Variants in DNAH7 observed in about 807,000 individuals in gnomAD.
DNAH7 encodes the protein dynein axonemal heavy chain 7.
In DNAH7, 397 loss-of-function variants were observed where a neutral mutation model predicts 444.6. The ratio of observed to expected loss-of-function variants is 0.89; its 90% CI spans 0.82 to 0.97. The LOEUF (loss-of-function observed/expected upper bound fraction) is 0.97, where lower values mean the gene tolerates loss of function less well. Ranked by LOEUF, DNAH7 falls within the 50% of genes least tolerant of loss-of-function variation. The probability of loss-of-function intolerance (pLI) is 0.00; values close to 1 mark genes in which losing one functional copy is unlikely to be tolerated. For missense variants in DNAH7, 4,902 were observed against 4,800.8 expected, an observed-to-expected ratio of 1.02 and a Z score of -0.62; for synonymous variants, 1,636 against 1,624.4, an observed-to-expected ratio of 1.01 and a Z score of -0.17.
intron 5 of DNAH7, among the ~76,000 whole-genome samples, chr2:196,037,721 A>T (rs1439563652): frequency 6.6e-6 from 1 of 152,214 alleles, no homozygotes; most frequent in African/African-American, 2.4e-5. Context: ...AAAAGAAGAA[A>T]GCCTGAGGGG....
At chr2:195,989,132 G>C (rs1447697107) in intron 12 of DNAH7, among the ~76,000 whole-genome samples, 5 of 152,130 alleles carry the variant, frequency 3.3e-5, no homozygotes, top group African/African-American at 1.2e-4. Flanking sequence ...ATTATGAATA[G>C]TGCTGTAATA....
At chr2:195,883,900 C>A (rs1574660106) in intron 35 of DNAH7, among the ~76,000 whole-genome samples, 1 of 151,984 alleles carries the variant, frequency 6.6e-6, no homozygotes, top group South Asian at 2.1e-4. Flanking sequence ...AATCTAAAAA[C>A]AACAAAAACA....
chr2:195,776,072 A>G, intron 59 of DNAH7, 89 bp from the exon 60 acceptor site: 1 of 1,491,364 alleles, frequency 6.7e-7, no homozygotes, highest in Non-Finnish European at 9.1e-7. Context: ...TTCAATACTC[A>G]AGTTATTGAC....
chr2:195,895,986 T>A (rs915254123), intron 29 of DNAH7, among the ~76,000 whole-genome samples: 7 of 152,186 alleles, frequency 4.6e-5, no homozygotes, highest in African/African-American at 1.2e-4. Context: ...ACTGTTCCAG[T>A]TTTAGGCTAC....
At chr2:195,778,675 C>CACATATATAT (rs1695214646) in intron 58 of DNAH7, among the ~76,000 whole-genome samples, 1 of 71,302 alleles carries the variant, frequency 1.4e-5, no homozygotes, top group East Asian at 3.4e-4. Context: ...TATATACACA[C>CACATATATAT]ACACACATAT....
chr2:196,010,041 C>T (rs564103013), intron 10 of DNAH7, among the ~76,000 whole-genome samples: 5 of 152,252 alleles, frequency 3.3e-5, no homozygotes, highest in Admixed American at 6.5e-5. Flanking sequence ...TGGCTACTAT[C>T]AAAAGTACAA....
At chr2:196,045,111 AGGAGGAGGAGGAAGAGGAGAT>A (rs2125841579) in intron 5 of DNAH7, among the ~76,000 whole-genome samples, 1 of 149,568 alleles carries the variant, frequency 6.7e-6, no homozygotes, top group Admixed American at 6.7e-5. Flanking sequence ...GTGAAGGAGG[AGGAGGAGGAGGAAGAGGAGAT>A]GGAGGAGGAG....
Position 195,812,640 on chromosome 2 carries a change from A to G in DNAH7, c.9762-2769T>C, listed in dbSNP as rs539593223. Among the ~76,000 whole-genome samples, 5 of 152,328 alleles carry G rather than the reference A, an allele frequency of 3.3e-5. No homozygotes were observed. The East Asian group carries it at 9.6e-4, about 29-fold the overall frequency. On this transcript the variant is annotated intron_variant, in intron 51 of 64. Coordinates refer to ENST00000312428, the MANE Select transcript of DNAH7 (RefSeq NM_018897.3). The stretch of plus-strand genomic sequence containing the variant: ...TAACATAATACATTCTTGGTACCAT[A>G]TAATAATCACTACCAGAAGACAAAC...
chr2:196,024,138 A>C (rs1695539441), intron 8 of DNAH7, among the ~76,000 whole-genome samples: 1 of 152,222 alleles, frequency 6.6e-6, no homozygotes, highest in African/African-American at 2.4e-5. Flanking sequence ...ACAGAGACAC[A>C]AAGTGAGCAC....
At chr2:195,875,926 A>C (rs1701026942) in intron 37 of DNAH7, 83 bp from the exon 38 acceptor site, 1 of 1,310,096 alleles carries the variant, frequency 7.6e-7, no homozygotes, top group Non-Finnish European at 1.0e-6. Flanking sequence ...TGAGGCAAAT[A>C]CTTAGCTATC....
rs1488707703 is a variant in DNAH7 at position 195,777,937 on chromosome 2, C to T, written c.10927G>A (p.Gly3643Arg). The change falls in exon 59 of 65, where the codon GGA becomes AGA. Residue 3643 changes from glycine (G) to arginine (R), a missense_variant. Physicochemically the swap from Gly to Arg is moderately radical, Grantham distance 125. Transcript: ENST00000312428. ...TCCCAGTCATCGGTCACTCTGCCTC[C>T]GTAATTGCATTCGCCAGTCATGTAC... ...LRYMTGECNY[G>R]GRVTDDWDRR... 41 of 1,613,986 alleles carry T rather than the reference C, an allele frequency of 2.5e-5. No individual in the cohort carries two copies. Among genetic ancestry groups the T allele is most frequent in the East Asian group, 4.5e-5 (2 of 44,894 alleles).
Position 195,900,220 on chromosome 2 carries a change from A to G in DNAH7, c.4548+62T>C. ...AACAAGTTATTGGAATTCTCTGAAG[A>G]CCCATTAGGCTGGAAATCTACAAAT... On this transcript the variant is annotated intron_variant, in intron 28 of 64. Coordinates refer to ENST00000312428, the MANE Select transcript of DNAH7 (RefSeq NM_018897.3). 3 of 1,510,818 alleles carry G rather than the reference A, an allele frequency of 2.0e-6. No individual in the cohort carries two copies. In the South Asian group the frequency reaches 3.4e-5, roughly 17 times the overall value. The allele number at this position is 1,510,818 out of a possible 1,614,324, so 93.6% of individuals were successfully genotyped here.
intron 19 of DNAH7, among the ~76,000 whole-genome samples, chr2:195,956,389 G>A (rs1035413977): frequency 6.6e-6 from 1 of 152,108 alleles, no homozygotes; most frequent in African/African-American, 2.4e-5. Flanking sequence ...GGTGGCTCAC[G>A]CCTGCAATCC....
rs759786225 is a variant in DNAH7 at position 195,809,713 on chromosome 2, G to GT, written c.9888+31dup. 12 of 1,489,828 alleles carry GT rather than the reference G, an allele frequency of 8.1e-6. No homozygotes were observed. The East Asian group carries it at 9.8e-5, about 12-fold the overall frequency. 92.3% of individuals were successfully genotyped at this position (1,489,828 alleles called of 1,614,324 possible). On this transcript the variant is annotated intron_variant, in intron 52 of 64. Coordinates refer to ENST00000312428, the MANE Select transcript of DNAH7 (RefSeq NM_018897.3). ...AATTAATGAATCAGCGTTATTAAGG[G>GT]TTTTTTTCTTACAAATGAAAACAGT...
chr2:195,774,854 C>G (rs1221057456), intron 60 of DNAH7, among the ~76,000 whole-genome samples: 2 of 152,150 alleles, frequency 1.3e-5, no homozygotes, highest in African/African-American at 4.8e-5. Flanking sequence ...AGTTACAATT[C>G]AGTTAATAGG....
At chr2:195,867,616 T>C (rs1246558333) in intron 40 of DNAH7, among the ~76,000 whole-genome samples, 1 of 152,150 alleles carries the variant, frequency 6.6e-6, no homozygotes, top group Non-Finnish European at 1.5e-5. Context: ...TGGCCAACAC[T>C]AATCTATTTA....
At chr2:196,057,550 A>G (rs1237763368) in intron 2 of DNAH7, among the ~76,000 whole-genome samples, 1 of 152,234 alleles carries the variant, frequency 6.6e-6, no homozygotes, top group East Asian at 1.9e-4. Context: ...ATGAATAAGT[A>G]CACAATTAAA....
chr2:195,745,263 A>AGATGAAATG (rs1485109782), intron 63 of DNAH7, among the ~76,000 whole-genome samples: 2 of 152,230 alleles, frequency 1.3e-5, no homozygotes, highest in Non-Finnish European at 2.9e-5. Flanking sequence ...CAGTGATGGA[A>AGATGAAATG]GATGAAATGA....
At chr2:195,952,542 T>G (rs1035450615) in intron 19 of DNAH7, among the ~76,000 whole-genome samples, 1 of 152,198 alleles carries the variant, frequency 6.6e-6, no homozygotes, top group African/African-American at 2.4e-5. Context: ...GGTTCCATTC[T>G]CCCCGTCAAT....
Sources: allele counts gnomAD v4.1 joint callset (sites outside exome capture counted in the v4.1 genomes callset), GRCh38; gene constraint gnomAD v4.1.1; transcripts MANE v1.5; gene names NCBI Gene and HGNC (gene_info 2026-07-23, HGNC 2026-07-21).